Variants in C12orf75 observed in about 807,000 individuals in gnomAD.
C12orf75 encodes chromosome 12 open reading frame 75, also known as overexpressed in colon carcinoma 1 protein.
C12orf75 carries 4 observed loss-of-function variants against 11.4 expected under a neutral mutation model. The ratio of observed to expected loss-of-function variants is 0.35; its 90% CI spans 0.17 to 0.80. The LOEUF is 0.80. Ranked by LOEUF, C12orf75 falls within the 30% of genes least tolerant of loss-of-function variation. The pLI is 0.52. For synonymous variants in C12orf75, 30 were observed against 30.0 expected, an observed-to-expected ratio of 1.00 and a Z score of 0.00; for missense variants, 89 against 80.4, an observed-to-expected ratio of 1.11 and a Z score of -0.41.
chr12:105,357,778 CTGTGTG>C (rs67643973), intron 2 of C12orf75, among the ~76,000 whole-genome samples: 14 of 137,338 alleles, frequency 1.0e-4, no homozygotes, highest in East Asian at 6.2e-4. Flanking sequence ...AATGTATTTT[CTGTGTG>C]TGTGTGTGTG....
At position 105,330,717 on chromosome 12, in the gene C12orf75, G is replaced by C. The variant is rs1452365959; in HGVS notation, c.-175G>C. 19 of 515,848 alleles carry C rather than the reference G, an allele frequency of 3.7e-5. No homozygotes were observed. The highest frequency in any genetic ancestry group is 5.0e-5 in the Non-Finnish European group (18 of 363,220). 32.0% of individuals were successfully genotyped at this position (515,848 alleles called of 1,614,324 possible). On this transcript the variant is annotated 5_prime_UTR_variant, in exon 1 of 6. Coordinates refer to ENST00000443585, the MANE Select transcript of C12orf75 (RefSeq NM_001145199.2). ...GTTTCCGCCCGGCAGCCCGCAGCCC[G>C]CTGCGCCCCGGGCCGCGTCTCCCGG...
At chr12:105,343,188 C>A (rs763427648) in intron 1 of C12orf75, among the ~76,000 whole-genome samples, 4 of 152,166 alleles carry the variant, frequency 2.6e-5, no homozygotes, top group African/African-American at 7.2e-5. Flanking sequence ...TGACCCCCTC[C>A]CCTCCAAATT....
chr12:105,365,522 C>T (rs959273317), intron 2 of C12orf75, among the ~76,000 whole-genome samples: 1 of 152,190 alleles, frequency 6.6e-6, no homozygotes, highest in African/African-American at 2.4e-5. Flanking sequence ...TTCAGCTGCC[C>T]TCAGTTTTCC....
chr12:105,366,975 A>G (rs1327614310), intron 4 of C12orf75, among the ~76,000 whole-genome samples: 1 of 152,226 alleles, frequency 6.6e-6, no homozygotes, highest in Non-Finnish European at 1.5e-5. Context: ...ATGAAAGCTA[A>G]TATTTATGTA....
At chr12:105,344,199 A>T (rs1892608185) in intron 1 of C12orf75, among the ~76,000 whole-genome samples, 2 of 152,098 alleles carry the variant, frequency 1.3e-5, no homozygotes, top group Non-Finnish European at 2.9e-5. Context: ...CATTTCACAC[A>T]CGTTACTGTG....
At chr12:105,362,254 G>A (rs375078163) in intron 2 of C12orf75, among the ~76,000 whole-genome samples, 21 of 151,288 alleles carry the variant, frequency 1.4e-4, no homozygotes, top group African/African-American at 4.6e-4. Flanking sequence ...GGCGTGTGGC[G>A]GGCGCCTGTA....
rs1555265695 is a variant in C12orf75 at position 105,355,180 on chromosome 12, C to CTT, written c.71+6564_71+6565dup. 1.6e-4 allele frequency among the ~76,000 whole-genome samples: 11 copies of CTT among 70,456 alleles called. No homozygotes were observed. In the South Asian group the frequency reaches 4.4e-3, roughly 28 times the overall value. 46.2% of individuals were successfully genotyped at this position (70,456 alleles called of 152,430 possible). ...CGAATTTCTTTTTCTTTTTCTTTTT[C>CTT]TTTTTTTTTTTCAGAGTTTTGCTCT... On this transcript the variant is annotated intron_variant, in intron 2 of 5. Coordinates refer to ENST00000443585, the MANE Select transcript of C12orf75 (RefSeq NM_001145199.2).
At chr12:105,365,785 G>A in intron 2 of C12orf75, 22 bp from the exon 3 acceptor site, 2 of 1,536,478 alleles carry the variant, frequency 1.3e-6, no homozygotes, top group African/African-American at 1.4e-5. Context: ...GTGTCTCATA[G>A]CAAATGTTTC....
At chr12:105,358,869 A>G (rs1399156250) in intron 2 of C12orf75, among the ~76,000 whole-genome samples, 1 of 152,192 alleles carries the variant, frequency 6.6e-6, no homozygotes, top group Non-Finnish European at 1.5e-5. Flanking sequence ...TTTGGACTCC[A>G]GAAGTCAGTC....
intron 5 of C12orf75, 84 bp from the exon 6 acceptor site, chr12:105,370,550 C>G (rs1871598289): frequency 4.4e-6 from 2 of 455,960 alleles, no homozygotes; most frequent in Middle Eastern, 3.3e-4. Flanking sequence ...AAGTAAATAA[C>G]TTGTAGGCTT....
chr12:105,342,784 A>G (rs1333593624), intron 1 of C12orf75, among the ~76,000 whole-genome samples: 1 of 152,246 alleles, frequency 6.6e-6, no homozygotes, highest in Non-Finnish European at 1.5e-5. Context: ...CAGGGGTTTT[A>G]GGAGCTCTGT....
chr12:105,345,173 A>G (rs1170302214), intron 1 of C12orf75, among the ~76,000 whole-genome samples: 1 of 152,138 alleles, frequency 6.6e-6, no homozygotes, highest in Non-Finnish European at 1.5e-5. Flanking sequence ...TAGCAGTAAG[A>G]TACCAACATG....
chr12:105,370,611 C>T (rs980311846), intron 5 of C12orf75, 23 bp from the exon 6 acceptor site: 1 of 457,462 alleles, frequency 2.2e-6, no homozygotes, highest in African/African-American at 2.0e-5. Context: ...TCACTCTTTT[C>T]TCCTCTTCTG....
intron 2 of C12orf75, among the ~76,000 whole-genome samples, chr12:105,362,703 C>T (rs1213782671): frequency 3.3e-5 from 5 of 151,364 alleles, no homozygotes; most frequent in East Asian, 1.9e-4. Flanking sequence ...GCTCCAGCTG[C>T]GGGAAGGTGC....
chr12:105,350,963 C>A (rs997831848), intron 2 of C12orf75, among the ~76,000 whole-genome samples: 6 of 152,088 alleles, frequency 3.9e-5, no homozygotes, highest in Non-Finnish European at 7.4e-5. Context: ...TTGACTATAC[C>A]TCATTCTATG....
chr12:105,353,150 A>C (rs1310882215), intron 2 of C12orf75, among the ~76,000 whole-genome samples: 2 of 152,216 alleles, frequency 1.3e-5, no homozygotes, highest in Non-Finnish European at 2.9e-5. Flanking sequence ...ATTTATTGGC[A>C]TGTGGAGTGG....
chr12:105,368,560 C>T (rs150973929), intron 5 of C12orf75, among the ~76,000 whole-genome samples: 5 of 152,286 alleles, frequency 3.3e-5, no homozygotes, highest in African/African-American at 1.2e-4. Context: ...CACCACCATA[C>T]TATTAATTTT....
At chr12:105,334,245 A>C (rs960877958) in intron 1 of C12orf75, among the ~76,000 whole-genome samples, 1 of 152,236 alleles carries the variant, frequency 6.6e-6, no homozygotes, top group Non-Finnish European at 1.5e-5. Flanking sequence ...TTCTAGGGCA[A>C]CGCTGGGGGC....
chr12:105,364,324 TA>T (rs1214560868), intron 2 of C12orf75, among the ~76,000 whole-genome samples: 2 of 152,192 alleles, frequency 1.3e-5, no homozygotes, highest in Non-Finnish European at 2.9e-5. Context: ...ACACTTGAAC[TA>T]AAAAAACAAT....
Sources: allele counts gnomAD v4.1 joint callset (sites outside exome capture counted in the v4.1 genomes callset), GRCh38; gene constraint gnomAD v4.1.1; transcripts MANE v1.5; gene names NCBI Gene and HGNC (gene_info 2026-07-23, HGNC 2026-07-21).